Variants in THTPA observed in about 807,000 individuals in gnomAD.
The protein encoded by THTPA is thiamine-triphosphatase.
THTPA carries 16 observed loss-of-function variants against 16.5 expected under a neutral mutation model. The observed-to-expected ratio is 0.97, with a 90% CI of 0.66 to 1.47. The LOEUF (loss-of-function observed/expected upper bound fraction) is 1.47. Ranked by LOEUF, THTPA falls within the 40% of genes most tolerant of loss-of-function variation. The pLI, the probability that THTPA is intolerant of heterozygous loss-of-function variation, is 0.00. For synonymous variants in THTPA, 110 were observed against 115.5 expected, an observed-to-expected ratio of 0.95 and a Z score of 0.30; for missense variants, 281 against 280.9, an observed-to-expected ratio of 1.00 and a Z score of 0.00.
At chr14:23,548,955 C>T in the THTPA span, among the ~76,000 whole-genome samples, 53 of 152,304 alleles carry the variant, frequency 3.5e-4, no homozygotes, top group Non-Finnish European at 6.0e-4. Context: ...TTTCCTCCTA[C>T]CAAGCTCTGT....
the THTPA span, chr14:23,531,343 C>T: frequency 8.0e-7 from 1 of 1,243,206 alleles, no homozygotes; most frequent in South Asian, 2.7e-5. Flanking sequence ...TATCCCTTCG[C>T]AGCTTCTTCC....
At chr14:23,512,614 C>G in the THTPA span, among the ~76,000 whole-genome samples, 2 of 149,836 alleles carry the variant, frequency 1.3e-5, no homozygotes, top group African/African-American at 4.9e-5. Flanking sequence ...CCTCCCTCTG[C>G]CTGCCATAAA....
At chr14:23,513,162 GGAGA>G in the THTPA span, 1 of 152,104 alleles carries the variant, frequency 6.6e-6, no homozygotes, top group Non-Finnish European at 1.5e-5. Flanking sequence ...CTGATCTCGG[GGAGA>G]GAGAGGGAGG....
At chr14:23,555,203 T>A (rs183347506), upstream of THTPA, among the ~76,000 whole-genome samples, 4 of 152,268 alleles carry the variant, frequency 2.6e-5, no homozygotes, top group Admixed American at 2.6e-4. Flanking sequence ...TTCTCCATGT[T>A]GGCCAGGCTG....
the THTPA span, among the ~76,000 whole-genome samples, chr14:23,549,743 T>C: frequency 6.6e-6 from 1 of 152,196 alleles, no homozygotes; most frequent in Non-Finnish European, 1.5e-5. Context: ...TGGCACTGAC[T>C]GATGGAGGGG....
At chr14:23,552,272 T>A (rs567026894), upstream of THTPA, among the ~76,000 whole-genome samples, 11 of 151,856 alleles carry the variant, frequency 7.2e-5, no homozygotes, top group Admixed American at 7.2e-4. Context: ...GTTTATCGCT[T>A]ATTAAGTGCT....
At chr14:23,537,353 A>C in the THTPA span, among the ~76,000 whole-genome samples, 1 of 151,884 alleles carries the variant, frequency 6.6e-6, no homozygotes. Context: ...TCGTATTAGC[A>C]GATCTCTAGT....
chr14:23,531,781 CTT>C, the THTPA span: 142 of 1,075,156 alleles, frequency 1.3e-4, no homozygotes, highest in South Asian at 5.8e-4. Flanking sequence ...CCTCAGGGGA[CTT>C]TTTTTTTTTT....
chr14:23,524,559 A>G, the THTPA span: 1 of 1,532,240 alleles, frequency 6.5e-7, no homozygotes, highest in Non-Finnish European at 8.7e-7. This position sits in a 1 kb window ranked among gnomAD's most constrained non-coding sequence, Gnocchi z 5.6. Flanking sequence ...GGCTGCAGAG[A>G]TGGCAGGAAA....
chr14:23,524,874 TGA>T, the THTPA span: 1 of 1,536,488 alleles, frequency 6.5e-7, no homozygotes, highest in Non-Finnish European at 8.7e-7. This position sits in a 1 kb window ranked among gnomAD's most constrained non-coding sequence, Gnocchi z 5.6. Context: ...TAGCACTTCT[TGA>T]GGTGGCGCAC....
At chr14:23,558,370 A>G (rs769879764) in intron 1 of THTPA, among the ~76,000 whole-genome samples, 5 of 152,254 alleles carry the variant, frequency 3.3e-5, no homozygotes, top group Non-Finnish European at 5.9e-5. Flanking sequence ...ATTGCGGAAC[A>G]GGGTAATAAC....
At chr14:23,532,867 C>T in the THTPA span, 1 of 1,536,196 alleles carries the variant, frequency 6.5e-7, no homozygotes, top group Non-Finnish European at 8.7e-7. Flanking sequence ...TGTCACCAGC[C>T]ACCTCCTTCC....
the THTPA span, among the ~76,000 whole-genome samples, chr14:23,549,312 AC>A: frequency 1.3e-5 from 2 of 151,942 alleles, no homozygotes; most frequent in South Asian, 4.2e-4. Flanking sequence ...TATTGCACCG[AC>A]CACCCCTTTC....
At chr14:23,557,449 T>A in intron 1 of THTPA, 145 bp downstream of exon 1, 1 of 923,150 alleles carries the variant, frequency 1.1e-6, no homozygotes, top group Non-Finnish European at 1.6e-6. Context: ...TTGCCCAGGC[T>A]GGTCTGGAAC....
At chr14:23,544,819 G>C in the THTPA span, among the ~76,000 whole-genome samples, 2 of 152,112 alleles carry the variant, frequency 1.3e-5, no homozygotes, top group African/African-American at 4.8e-5. Context: ...CCCTGGCCAC[G>C]TTCTTTCCCT....
the THTPA span, among the ~76,000 whole-genome samples, chr14:23,545,076 C>T: frequency 6.6e-6 from 1 of 152,142 alleles, no homozygotes; most frequent in Non-Finnish European, 1.5e-5. Flanking sequence ...ATTGCCATTT[C>T]TCCATCCTCT....
chr14:23,557,225 T>C lies in THTPA; in HGVS notation c.468T>C (p.Gly156=). The C allele has an allele frequency of 6.2e-7, 1 of 1,613,312 alleles. No individual in the cohort carries two copies. The change falls in exon 1 of 2, where the codon GGT becomes GGC. Residue 156 remains glycine (G), a synonymous_variant. Coordinates refer to ENST00000288014, the MANE Select transcript of THTPA (RefSeq NM_024328.6). ...CAGCCGACTTTGGCTACGCTGTGGG[T>C]GAGGTAGAGGCCCTGGTGCATGAGG... is the stretch of plus-strand genomic sequence containing the variant. ...LDTADFGYAV[G]EVEALVHEEA...
the THTPA span, chr14:23,530,041 C>A: frequency 1.5e-6 from 2 of 1,349,882 alleles, no homozygotes; most frequent in Non-Finnish European, 2.0e-6. Flanking sequence ...ACAGACATTG[C>A]TGGGCTCCTG....
At chr14:23,515,027 A>G in the THTPA span, among the ~76,000 whole-genome samples, 2 of 152,184 alleles carry the variant, frequency 1.3e-5, no homozygotes, top group African/African-American at 4.8e-5. Context: ...CACAGGCTGT[A>G]GACACACCCA....
Sources: allele counts gnomAD v4.1 joint callset (sites outside exome capture counted in the v4.1 genomes callset), GRCh38; gene constraint gnomAD v4.1.1; non-coding constraint Gnocchi (gnomAD v3.1); transcripts MANE v1.5; gene names NCBI Gene and HGNC (gene_info 2026-07-23, HGNC 2026-07-21).